The following TMEM74 variants were observed in gnomAD, a reference collection of about 807,000 sequenced individuals.
TMEM74 encodes transmembrane protein 74.
A neutral mutation model predicts 18.1 loss-of-function variants in TMEM74; 13 were observed. The observed-to-expected ratio is 0.72, with a 90% CI of 0.47 to 1.14. The LOEUF (loss-of-function observed/expected upper bound fraction) is 1.14, where lower values mean the gene tolerates loss of function less well. Ranked by LOEUF, TMEM74 falls within the 50% of genes most tolerant of loss-of-function variation. The pLI, the probability that TMEM74 is intolerant of heterozygous loss-of-function variation, is 0.00. For missense variants in TMEM74, 372 were observed against 375.9 expected, an observed-to-expected ratio of 0.99 and a Z score of 0.09; for synonymous variants, 159 against 146.6, an observed-to-expected ratio of 1.08 and a Z score of -0.61.
At chr8:108,748,735 G>A (rs2935785) in intron 1 of TMEM74, among the ~76,000 whole-genome samples, 57,765 of 149,030 alleles carry the variant, frequency 0.39, 11,505 homozygotes, top group African/African-American at 0.49. Flanking sequence ...TGGGTTTTAC[G>A]TTTAAGTCTT....
intron 2 of TMEM74, among the ~76,000 whole-genome samples, chr8:108,628,992 T>A (rs1303816320): frequency 6.6e-6 from 1 of 152,132 alleles, no homozygotes; most frequent in Non-Finnish European, 1.5e-5. Flanking sequence ...GTTTGTTTTT[T>A]TCTTGTAAGT....
chr8:108,674,583 A>G (rs1298506763), intron 1 of TMEM74, among the ~76,000 whole-genome samples: 1 of 152,220 alleles, frequency 6.6e-6, no homozygotes, highest in Non-Finnish European at 1.5e-5. Flanking sequence ...AGAAATTTCT[A>G]TAATCGAACC....
chr8:108,616,753 G>A (rs1029608853), intron 2 of TMEM74, among the ~76,000 whole-genome samples: 3 of 152,040 alleles, frequency 2.0e-5, no homozygotes, highest in Non-Finnish European at 4.4e-5. Flanking sequence ...TTGTTATGTA[G>A]ATTTGTGCTT....
chr8:108,694,338 A>ATACTGATACATGCTGTGACATAG (rs1333906831), intron 1 of TMEM74, among the ~76,000 whole-genome samples: 1 of 143,504 alleles, frequency 7.0e-6, no homozygotes, highest in Non-Finnish European at 1.5e-5. Flanking sequence ...AAAAGATATG[A>ATACTGATACATGCTGTGACATAG]TACTGATACA....
chr8:108,772,292 T>C (rs542702393), intron 1 of TMEM74, among the ~76,000 whole-genome samples: 59 of 152,246 alleles, frequency 3.9e-4, no homozygotes, highest in African/African-American at 1.2e-3. Flanking sequence ...GAAACCAAGG[T>C]AAGAGGCTGT....
At chr8:108,726,112 A>G (rs1813635680) in intron 1 of TMEM74, among the ~76,000 whole-genome samples, 1 of 152,152 alleles carries the variant, frequency 6.6e-6, no homozygotes, top group Non-Finnish European at 1.5e-5. Flanking sequence ...TCAACTAGTG[A>G]GACCCGGGGT....
intron 1 of TMEM74, among the ~76,000 whole-genome samples, chr8:108,752,353 A>G (rs1179389292): frequency 6.6e-6 from 1 of 152,070 alleles, no homozygotes; most frequent in East Asian, 1.9e-4. Context: ...TGCATTATTC[A>G]CCTAAAGGCT....
chr8:108,774,386 G>T (rs1409808099), downstream of TMEM74, among the ~76,000 whole-genome samples: 1 of 152,202 alleles, frequency 6.6e-6, no homozygotes, highest in Non-Finnish European at 1.5e-5. Context: ...AATCTTGGAA[G>T]ATGACAGAGC....
chr8:108,727,694 G>A (rs1250581060), intron 1 of TMEM74, among the ~76,000 whole-genome samples: 3 of 152,120 alleles, frequency 2.0e-5, no homozygotes, highest in Non-Finnish European at 4.4e-5. Flanking sequence ...AACTTTGGAA[G>A]CAATCAACAT....
chr8:108,747,755 C>G (rs1251594041), intron 1 of TMEM74, among the ~76,000 whole-genome samples: 1 of 149,080 alleles, frequency 6.7e-6, no homozygotes, highest in East Asian at 2.0e-4. Context: ...TGTTGTTTCC[C>G]CCCTGTGTTC....
At chr8:108,658,106 GC>G (rs1171606114) in intron 1 of TMEM74, among the ~76,000 whole-genome samples, 1 of 151,318 alleles carries the variant, frequency 6.6e-6, no homozygotes, top group African/African-American at 2.4e-5. Context: ...CCTGGTGGCT[GC>G]TGGCCATACA....
chr8:108,629,803 C>G (rs1812531999), intron 2 of TMEM74, among the ~76,000 whole-genome samples: 1 of 151,978 alleles, frequency 6.6e-6, no homozygotes, highest in Admixed American at 6.6e-5. Context: ...TTGTCACCAC[C>G]AGGCCTGCCT....
At position 108,760,496 on chromosome 8, in the gene TMEM74, T is replaced by A. The variant is rs1034682999; in HGVS notation, n.119+26980A>T. On this transcript the variant is annotated intron_variant and non_coding_transcript_variant, in intron 1 of 3. Coordinates refer to the TMEM74 transcript ENST00000518838. ...CTGAGTGCAGTTTTAACAGAATGCA[T>A]CTATTGGCAGGAGTGTGAGAGGCAG... 2.0e-5 allele frequency among the ~76,000 whole-genome samples: 3 copies of A among 152,002 alleles called. No homozygotes were observed. In the East Asian group the frequency reaches 5.8e-4, roughly 29 times the overall value.
At chr8:108,720,757 AGTTT>A (rs775211383) in intron 1 of TMEM74, among the ~76,000 whole-genome samples, 13 of 49,506 alleles carry the variant, frequency 2.6e-4, no homozygotes, top group African/African-American at 5.4e-4. Flanking sequence ...TTTATTTATT[AGTTT>A]GTTTGTTTGT....
intron 1 of TMEM74, among the ~76,000 whole-genome samples, chr8:108,762,363 G>A (rs1001447440): frequency 1.8e-4 from 27 of 152,106 alleles, no homozygotes; most frequent in Admixed American, 1.8e-3. Context: ...TGATTCTCAT[G>A]AATAAGCTGA....
chr8:108,728,923 C>G (rs10096463), intron 1 of TMEM74, among the ~76,000 whole-genome samples: 10,184 of 152,154 alleles, frequency 0.067, 941 homozygotes, highest in African/African-American at 0.21. Context: ...ACTAAATAAA[C>G]GGTAATTTAA....
chr8:108,706,612 C>A (rs1378205709), intron 1 of TMEM74, among the ~76,000 whole-genome samples: 2 of 152,162 alleles, frequency 1.3e-5, no homozygotes, highest in South Asian at 2.1e-4. Context: ...AAAAATCTCT[C>A]TATATAATTA....
chr8:108,688,999 G>T (rs779483290), intron 1 of TMEM74, among the ~76,000 whole-genome samples: 36 of 152,294 alleles, frequency 2.4e-4, no homozygotes, highest in Non-Finnish European at 1.5e-4. Flanking sequence ...GGGAATGGGG[G>T]TGATGGTGAA....
At chr8:108,701,207 A>G (rs868197029) in intron 1 of TMEM74, among the ~76,000 whole-genome samples, 2 of 152,084 alleles carry the variant, frequency 1.3e-5, no homozygotes, top group South Asian at 2.1e-4. Context: ...TAAAAAAAAA[A>G]AAAAAACAAC....
Sources: allele counts gnomAD v4.1 joint callset (sites outside exome capture counted in the v4.1 genomes callset), GRCh38; gene constraint gnomAD v4.1.1; transcripts MANE v1.5; gene names NCBI Gene and HGNC (gene_info 2026-07-23, HGNC 2026-07-21).